PCDH15: variants seen among roughly 807,000 people sequenced by gnomAD.
The protein encoded by PCDH15 is protocadherin related 15.
In PCDH15, 129 loss-of-function variants were observed where a neutral mutation model predicts 178.5. The ratio of observed to expected loss-of-function variants is 0.72; its 90% confidence interval spans 0.63 to 0.84. PCDH15 has a LOEUF of 0.84. PCDH15 is among the 40% of genes least tolerant of loss of function. PCDH15 has a pLI of 0.00. For synonymous variants in PCDH15, 800 were observed against 732.0 expected (o/e 1.09, Z -1.50); for missense variants, 2,230 against 2,099.9 (o/e 1.06, Z -1.21).
chr10:54,292,947 A>G (rs1047419022), intron 8 of PCDH15, among the ~76,000 whole-genome samples: 2 of 152,232 alleles, frequency 1.3e-5, no homozygotes, highest in South Asian at 4.1e-4. Context: ...CTTTCTTCAC[A>G]GAATTGGAAA....
intron 2 of PCDH15, among the ~76,000 whole-genome samples, chr10:55,481,460 T>C (rs556337107): frequency 2.0e-5 from 3 of 151,762 alleles, no homozygotes; most frequent in African/African-American, 7.2e-5. Flanking sequence ...AACTTTTTGA[T>C]GTGGTTTTTT....
intron 2 of PCDH15, among the ~76,000 whole-genome samples, chr10:55,017,542 T>C (rs983791638): frequency 6.6e-6 from 1 of 152,132 alleles, no homozygotes; most frequent in Non-Finnish European, 1.5e-5. Context: ...ATACATTTTG[T>C]TGCCTGACAG....
chr10:55,599,914 G>T (rs1040169810), intron 2 of PCDH15: 1 of 1,525,284 alleles, frequency 6.6e-7, no homozygotes, highest in Non-Finnish European at 8.8e-7. Context: ...CCACACCAGG[G>T]TTTAGCTGTC....
At chr10:54,073,464 T>G (rs1051727960) in intron 17 of PCDH15, among the ~76,000 whole-genome samples, 3 of 152,156 alleles carry the variant, frequency 2.0e-5, no homozygotes, top group African/African-American at 7.2e-5. Context: ...TTGTTAAAGT[T>G]TCCTATTTGA....
intron 21 of PCDH15, among the ~76,000 whole-genome samples, chr10:53,974,610 C>CT (rs999567205): frequency 2.0e-5 from 3 of 152,074 alleles, no homozygotes; most frequent in African/African-American, 7.2e-5. Flanking sequence ...GTTAATCACT[C>CT]TATCTTTCCT....
chr10:55,589,986 T>C (rs1332266686), intron 2 of PCDH15, among the ~76,000 whole-genome samples: 103 of 145,054 alleles, frequency 7.1e-4, no homozygotes, highest in Non-Finnish European at 1.3e-3. Context: ...GGACTATAAA[T>C]CATGCTGCTA....
rs1840101193 is a variant in PCDH15, at chr10:55,478,171, C to T, written c.-156+149454G>A. Among the ~76,000 whole-genome samples the T allele has an allele frequency of 2.0e-5, 3 of 151,622 alleles. No individual in the cohort carries two copies. The South Asian group carries it at 6.2e-4, about 31-fold the overall frequency. On this transcript the variant is annotated intron_variant, in intron 2 of 5. Coordinates refer to the PCDH15 transcript ENST00000613346. ...TATTGATGCACCTAAATACATGAAG[C>T]AAATGTTAATAGACCAAATGGAGAG...
At chr10:54,068,537 C>T (rs553059451) in intron 17 of PCDH15, among the ~76,000 whole-genome samples, 210 of 152,176 alleles carry the variant, frequency 1.4e-3, no homozygotes, top group African/African-American at 4.6e-3. Context: ...TGAGAATGTA[C>T]GAACTACTGC....
chr10:55,124,014 G>A (rs1003960647), intron 2 of PCDH15, among the ~76,000 whole-genome samples: 8 of 152,080 alleles, frequency 5.3e-5, no homozygotes, highest in East Asian at 1.9e-4. Context: ...GATGTAACAC[G>A]TATACACATA....
intron 1 of PCDH15, among the ~76,000 whole-genome samples, chr10:54,715,530 G>A (rs1591233401): frequency 1.3e-5 from 2 of 152,148 alleles, no homozygotes; most frequent in Admixed American, 1.3e-4. Context: ...ATCCAAGGGA[G>A]AAGATAGTGG....
At chr10:54,485,522 G>A (rs1246021739) in intron 3 of PCDH15, among the ~76,000 whole-genome samples, 1 of 151,864 alleles carries the variant, frequency 6.6e-6, no homozygotes, top group Non-Finnish European at 1.5e-5. Flanking sequence ...CTTCTGGAAG[G>A]ACCTTCATCT....
intron 24 of PCDH15, 48 bp from the exon 25 acceptor site, chr10:53,939,003 G>T (rs780884164): frequency 1.9e-6 from 3 of 1,576,330 alleles, no homozygotes; most frequent in African/African-American, 2.7e-5. Context: ...ACGCTATAAG[G>T]AAAGAAATTC....
intron 4 of PCDH15, among the ~76,000 whole-genome samples, chr10:54,378,258 T>G (rs978190078): frequency 6.6e-6 from 1 of 152,122 alleles, no homozygotes; most frequent in African/African-American, 2.4e-5. Context: ...AAAAAAAATT[T>G]ATGCTATCTG....
At chr10:54,691,098 CT>C (rs1276167154) in intron 1 of PCDH15, among the ~76,000 whole-genome samples, 4 of 152,100 alleles carry the variant, frequency 2.6e-5, no homozygotes, top group Non-Finnish European at 5.9e-5. Flanking sequence ...TACCTCCAAA[CT>C]TCAAATATGA....
chr10:54,312,626 G>T (rs1286546899), intron 8 of PCDH15, among the ~76,000 whole-genome samples: 1 of 152,080 alleles, frequency 6.6e-6, no homozygotes, highest in Admixed American at 6.6e-5. Context: ...CTTCAGTGGG[G>T]TGAAAATGAA....
intron 2 of PCDH15, among the ~76,000 whole-genome samples, chr10:54,933,974 C>T (rs183042660): frequency 3.0e-4 from 45 of 152,154 alleles, no homozygotes; most frequent in Middle Eastern, 3.4e-3. Context: ...ATTCTTGCTT[C>T]GGTGTACCCT....
chr10:55,447,562 A>G (rs765063624), intron 2 of PCDH15, among the ~76,000 whole-genome samples: 10 of 152,106 alleles, frequency 6.6e-5, no homozygotes, highest in Non-Finnish European at 4.4e-5. Flanking sequence ...GGCGGAAACA[A>G]GAAAATGGTA....
chr10:54,895,027 T>C (rs763730903), intron 3 of PCDH15, among the ~76,000 whole-genome samples: 4 of 152,184 alleles, frequency 2.6e-5, no homozygotes, highest in Non-Finnish European at 4.4e-5. Context: ...GAATCAAGAA[T>C]AAAAATTCAG....
At chr10:53,984,989 T>C (rs1289570925) in intron 21 of PCDH15, among the ~76,000 whole-genome samples, 1 of 152,212 alleles carries the variant, frequency 6.6e-6, no homozygotes, top group East Asian at 1.9e-4. Flanking sequence ...CTTAGGATTC[T>C]ATTCTCACTA....
Sources: allele counts gnomAD v4.1 joint callset (sites outside exome capture counted in the v4.1 genomes callset), GRCh38; gene constraint gnomAD v4.1.1; transcripts MANE v1.5; gene names NCBI Gene and HGNC (gene_info 2026-07-23, HGNC 2026-07-21).